CRB1: variants seen among roughly 807,000 people sequenced by gnomAD.
The protein encoded by CRB1 is protein crumbs homolog 1.
Under a neutral mutation model 120.0 loss-of-function variants are expected in CRB1, and 83 were observed. That is an observed-to-expected ratio of 0.69 (90% CI 0.58 to 0.83). The LOEUF (loss-of-function observed/expected upper bound fraction) is 0.83, where lower values mean the gene tolerates loss of function less well. Ranked by LOEUF, CRB1 falls within the 40% of genes least tolerant of loss-of-function variation. The pLI is 0.00. For missense variants in CRB1, 1,699 were observed against 1,687.6 expected (o/e 1.01, Z -0.12); for synonymous variants, 625 against 612.5 (o/e 1.02, Z -0.30).
chr1:197,260,904 C>T, the CRB1 span, among the ~76,000 whole-genome samples: 1 of 152,052 alleles, frequency 6.6e-6, no homozygotes. Flanking sequence ...ACCATATTGG[C>T]CAGGCTGGTC....
chr1:197,380,471 T>C (rs898405485), intron 5 of CRB1, among the ~76,000 whole-genome samples: 5 of 152,160 alleles, frequency 3.3e-5, no homozygotes, highest in African/African-American at 9.7e-5. Flanking sequence ...CAGCTAAGGG[T>C]ATCCAGTATC....
chr1:197,422,095 G>A lies in CRB1; in HGVS notation c.2128+139G>A, dbSNP rs546192037. On this transcript the variant is annotated intron_variant, in intron 6 of 11. Transcript: ENST00000367400. The stretch of plus-strand genomic sequence containing the variant: ...CTTCTGCTGCTGGTTGCCCACTGAT[G>A]AGAAAGAAAAGAAGAGGGCAGTGAT... 5.3e-5 allele frequency: 40 copies of A among 755,436 alleles called. No individual in the cohort carries two copies. The East Asian group carries it at 9.6e-4, about 18-fold the overall frequency. 46.8% of individuals were successfully genotyped at this position (755,436 alleles called of 1,614,324 possible).
chr1:197,223,118 A>AT, the CRB1 span: 1 of 849,744 alleles, frequency 1.2e-6, no homozygotes, highest in Non-Finnish European at 2.0e-6. Flanking sequence ...ATATTCAGTG[A>AT]TTTTCAACAT....
intron 2 of CRB1, among the ~76,000 whole-genome samples, chr1:197,335,260 G>A (rs566010346): frequency 2.6e-5 from 4 of 152,186 alleles, no homozygotes; most frequent in Non-Finnish European, 5.9e-5. Context: ...CCATTGTAAG[G>A]ACTTTGGCTT....
chr1:197,426,175 GA>G (rs1172342022), intron 6 of CRB1, among the ~76,000 whole-genome samples: 1 of 151,924 alleles, frequency 6.6e-6, no homozygotes, highest in Non-Finnish European at 1.5e-5. Flanking sequence ...ACTTGCTCCA[GA>G]AAATTCTGTT....
chr1:197,413,774 A>G (rs1481285601), intron 5 of CRB1: 1 of 360,156 alleles, frequency 2.8e-6, no homozygotes, highest in Non-Finnish European at 5.6e-6. Flanking sequence ...ACTAAGCCAC[A>G]CTGATCCAGC....
At chr1:197,267,821 T>TG (rs1188929221), upstream of CRB1, among the ~76,000 whole-genome samples, 5 of 152,218 alleles carry the variant, frequency 3.3e-5, no homozygotes, top group Non-Finnish European at 7.3e-5. Flanking sequence ...TGCCCCTGAA[T>TG]GATCTTCAGA....
chr1:197,396,030 T>A (rs1662752667), intron 5 of CRB1, among the ~76,000 whole-genome samples: 2 of 152,124 alleles, frequency 1.3e-5, no homozygotes, highest in South Asian at 4.1e-4. Flanking sequence ...CAGTTACATA[T>A]ATTGGAAAAA....
At chr1:197,283,091 T>C (rs1655620706) in intron 1 of CRB1, among the ~76,000 whole-genome samples, 1 of 150,670 alleles carries the variant, frequency 6.6e-6, no homozygotes, top group African/African-American at 2.4e-5. Flanking sequence ...ATTTTTGTTT[T>C]CCAAAAAGGT....
At chr1:197,343,032 C>A (rs2821125) in intron 2 of CRB1, among the ~76,000 whole-genome samples, 4 of 152,116 alleles carry the variant, frequency 2.6e-5, no homozygotes, top group Non-Finnish European at 5.9e-5. Context: ...CCATTTTCAC[C>A]GACATAAATT....
intron 1 of CRB1, among the ~76,000 whole-genome samples, chr1:197,272,301 C>A (rs1654950322): frequency 6.6e-6 from 1 of 152,080 alleles, no homozygotes; most frequent in South Asian, 2.1e-4. Context: ...CTTTTTGCTT[C>A]CTCATAAATG....
chr1:197,400,483 TTGA>T (rs1313097680), intron 5 of CRB1, among the ~76,000 whole-genome samples: 19 of 151,354 alleles, frequency 1.3e-4, no homozygotes, highest in African/African-American at 4.4e-4. Context: ...TTTTTTTTTT[TTGA>T]TGATGATGAT....
At chr1:197,245,969 G>A in the CRB1 span, among the ~76,000 whole-genome samples, 1 of 152,028 alleles carries the variant, frequency 6.6e-6, no homozygotes, top group African/African-American at 2.4e-5. Flanking sequence ...CGTTGGTTGG[G>A]GGCAAAAGTT....
At chr1:197,450,784 C>CAAAAAAAAAAAAAAAA (rs71131758) in intron 11 of CRB1, among the ~76,000 whole-genome samples, 1 of 59,614 alleles carries the variant, frequency 1.7e-5, no homozygotes, top group Non-Finnish European at 2.8e-5. Flanking sequence ...ACTAAAAATA[C>CAAAAAAAAAAAAAAAA]AAAAAAAAAA....
intron 6 of CRB1, among the ~76,000 whole-genome samples, chr1:197,426,258 A>G (rs1216540582): frequency 1.3e-5 from 2 of 152,066 alleles, no homozygotes; most frequent in East Asian, 3.9e-4. Context: ...GATCCAAGCC[A>G]TTATCATTTC....
chr1:197,206,504 T>A, the CRB1 span, among the ~76,000 whole-genome samples: 3 of 152,194 alleles, frequency 2.0e-5, no homozygotes, highest in Non-Finnish European at 2.9e-5. Context: ...TTGATTTCAT[T>A]GTTGACCCAA....
chr1:197,375,027 C>T (rs564389702), intron 5 of CRB1, among the ~76,000 whole-genome samples: 1 of 152,272 alleles, frequency 6.6e-6, no homozygotes, highest in Non-Finnish European at 1.5e-5. Flanking sequence ...AGTGGGAGTC[C>T]AGGGAACTCA....
upstream of CRB1, among the ~76,000 whole-genome samples, chr1:197,266,113 C>A (rs1314943938): frequency 6.6e-6 from 1 of 152,152 alleles, no homozygotes; most frequent in African/African-American, 2.4e-5. Context: ...TTCCTATATA[C>A]ATATCCTTTT....
At chr1:197,357,631 C>T (rs988859169) in intron 5 of CRB1, 4 of 160,320 alleles carry the variant, frequency 2.5e-5, no homozygotes, top group Admixed American at 2.3e-4. Flanking sequence ...AATTTACCTA[C>T]AATTGCATTG....
Sources: gnomAD v4.1 joint callset for allele counts (sites outside exome capture counted in the v4.1 genomes callset) on GRCh38, gnomAD v4.1.1 for gene constraint, MANE v1.5 for transcripts, NCBI Gene and HGNC (gene_info 2026-07-23, HGNC 2026-07-21) for gene names.